Variants in FRAS1 observed in about 807,000 individuals in gnomAD.
FRAS1 encodes Fraser extracellular matrix complex subunit 1.
In FRAS1, 290 loss-of-function variants were observed where a neutral mutation model predicts 435.2. The observed-to-expected ratio is 0.67, with a 90% CI of 0.61 to 0.73. The LOEUF (loss-of-function observed/expected upper bound fraction) is 0.73. Among genes scored for constraint, FRAS1 ranks in the 30% least tolerant of loss-of-function variants. The pLI is 0.00. For missense variants in FRAS1, 4,860 were observed against 5,001.5 expected, an observed-to-expected ratio of 0.97 and a Z score of 0.85; for synonymous variants, 1,800 against 1,851.0, an observed-to-expected ratio of 0.97 and a Z score of 0.71.
intron 26 of FRAS1, among the ~76,000 whole-genome samples, chr4:78,376,454 C>T (rs1222039780): frequency 6.6e-6 from 1 of 152,056 alleles, no homozygotes; most frequent in Non-Finnish European, 1.5e-5. Context: ...TTTATGGGAC[C>T]ACCATCATAT....
At chr4:78,263,179 C>T (rs943636266) in intron 6 of FRAS1, among the ~76,000 whole-genome samples, 2 of 152,208 alleles carry the variant, frequency 1.3e-5, no homozygotes, top group East Asian at 1.9e-4. Context: ...CCTCCCTACT[C>T]AGCTTCTTCT....
chr4:78,207,547 G>C (rs564490965), intron 2 of FRAS1, among the ~76,000 whole-genome samples: 1 of 152,328 alleles, frequency 6.6e-6, no homozygotes, highest in African/African-American at 2.4e-5. Flanking sequence ...GGGAGATGTA[G>C]TAATGATAGA....
At chr4:78,346,745 T>C (rs1730616648) in intron 20 of FRAS1, among the ~76,000 whole-genome samples, 1 of 152,116 alleles carries the variant, frequency 6.6e-6, no homozygotes, top group South Asian at 2.1e-4. Flanking sequence ...ATCTTTCTCT[T>C]CTATTACCTC....
intron 61 of FRAS1, among the ~76,000 whole-genome samples, chr4:78,505,830 A>G (rs987703192): frequency 6.6e-6 from 1 of 152,118 alleles, no homozygotes; most frequent in Non-Finnish European, 1.5e-5. Context: ...TAGAATTTTC[A>G]GCTTTTCTGT....
chr4:78,181,436 AAAG>A (rs888317281), intron 2 of FRAS1: 4 of 1,611,980 alleles, frequency 2.5e-6, no homozygotes, highest in Middle Eastern at 2.2e-4. Context: ...GTAATGTGAA[AAAG>A]AAGATCTATC....
At chr4:78,274,992 G>T (rs1219170673) in intron 9 of FRAS1, among the ~76,000 whole-genome samples, 3 of 152,104 alleles carry the variant, frequency 2.0e-5, no homozygotes, top group Admixed American at 6.5e-5. Flanking sequence ...ATGAATCTGG[G>T]TGCTCCTGTA....
chr4:78,174,057 C>G (rs1721664398), intron 2 of FRAS1, among the ~76,000 whole-genome samples: 1 of 152,186 alleles, frequency 6.6e-6, no homozygotes, highest in Admixed American at 6.5e-5. Context: ...TCCCGTGTTT[C>G]AACTGAACAC....
chr4:78,234,988 C>T (rs749200939), intron 2 of FRAS1, among the ~76,000 whole-genome samples: 2 of 152,136 alleles, frequency 1.3e-5, no homozygotes, highest in African/African-American at 2.4e-5. Context: ...TTGGCTCATG[C>T]GATCATTGCG....
intron 4 of FRAS1, among the ~76,000 whole-genome samples, chr4:78,251,918 TGAGAGAGA>T (rs35796361): frequency 2.7e-5 from 4 of 148,688 alleles, no homozygotes; most frequent in East Asian, 4.0e-4. Context: ...CTGGAACAGT[TGAGAGAGA>T]GAGAGAGAGA....
intron 70 of FRAS1, among the ~76,000 whole-genome samples, chr4:78,529,935 C>A (rs1721659974): frequency 6.6e-6 from 1 of 152,078 alleles, no homozygotes; most frequent in Non-Finnish European, 1.5e-5. Flanking sequence ...AAAAGCAAAC[C>A]CATGAATGAG....
intron 2 of FRAS1, among the ~76,000 whole-genome samples, chr4:78,227,862 C>T (rs1027282311): frequency 2.0e-5 from 3 of 152,184 alleles, no homozygotes; most frequent in Admixed American, 1.3e-4. Flanking sequence ...GTGTATCCAA[C>T]TTTTCAGCAA....
At chr4:78,240,182 A>C (rs1330276631) in intron 3 of FRAS1, among the ~76,000 whole-genome samples, 1 of 152,182 alleles carries the variant, frequency 6.6e-6, no homozygotes, top group Non-Finnish European at 1.5e-5. Context: ...AGGTTATGGA[A>C]TACTAACAAA....
At chr4:78,455,811 C>G (rs1230762032) in intron 47 of FRAS1, among the ~76,000 whole-genome samples, 1 of 152,194 alleles carries the variant, frequency 6.6e-6, no homozygotes, top group Non-Finnish European at 1.5e-5. Flanking sequence ...GGGTTTCCCT[C>G]TATCAGTAGA....
intron 2 of FRAS1, among the ~76,000 whole-genome samples, chr4:78,214,122 T>C (rs1723637789): frequency 1.3e-5 from 2 of 152,224 alleles, no homozygotes; most frequent in Admixed American, 1.3e-4. Flanking sequence ...TTGATGTAGC[T>C]GAAAACAGCA....
intron 47 of FRAS1, among the ~76,000 whole-genome samples, chr4:78,457,647 A>G (rs1187143909): frequency 6.6e-6 from 1 of 152,250 alleles, no homozygotes; most frequent in Non-Finnish European, 1.5e-5. Context: ...GTACCCACGA[A>G]AGTGAGTGCC....
At chr4:78,261,088 T>C (rs1176387349) in intron 6 of FRAS1, among the ~76,000 whole-genome samples, 3 of 152,114 alleles carry the variant, frequency 2.0e-5, no homozygotes, top group African/African-American at 7.2e-5. Context: ...TCTCTCATCA[T>C]TTTTCACTGT....
rs1222720124 is a variant in FRAS1 at position 78,419,025 on chromosome 4, T to C, written c.4502T>C (p.Ile1501Thr). The change falls in exon 33 of 74, where the codon ATT becomes ACT. Residue 1501 changes from isoleucine to threonine, a missense_variant. Ile to Thr is a moderately conservative substitution (Grantham distance 89). Coordinates refer to ENST00000512123, the MANE Select transcript of FRAS1 (RefSeq NM_025074.7). ...FINSEKPSGKIVYNITLPLHP... is the reference protein window; with the variant it reads ...FINSEKPSGKTVYNITLPLHP... ...AACTCTGAGAAGCCAAGTGGAAAGA[T>C]TGTCTACAACATCACTCTACCTCTG... 1.3e-6 allele frequency: 2 copies of C among 1,598,964 alleles called. No homozygotes were observed. Among genetic ancestry groups the C allele is most frequent in the Non-Finnish European group, 1.7e-6 (2 of 1,174,758 alleles).
intron 32 of FRAS1, among the ~76,000 whole-genome samples, chr4:78,415,617 A>G (rs1344981720): frequency 6.6e-6 from 1 of 152,210 alleles, no homozygotes; most frequent in African/African-American, 2.4e-5. Flanking sequence ...ATGGGAGAAC[A>G]CGACATATTT....
intron 54 of FRAS1, 71 bp from the exon 55 acceptor site, chr4:78,477,744 T>A (rs1719893240): frequency 5.2e-6 from 8 of 1,542,640 alleles, no homozygotes; most frequent in Non-Finnish European, 7.0e-6. Flanking sequence ...TCTTTTCCTA[T>A]GATGCCCTGG....
Sources: allele counts gnomAD v4.1 joint callset (sites outside exome capture counted in the v4.1 genomes callset), GRCh38; gene constraint gnomAD v4.1.1; transcripts MANE v1.5; gene names NCBI Gene and HGNC (gene_info 2026-07-23, HGNC 2026-07-21).